The following INTS2 variants were observed in gnomAD, a reference collection of about 807,000 sequenced individuals.
INTS2 encodes the protein KIAA1287.
In INTS2, 57 loss-of-function variants were observed where a neutral mutation model predicts 139.6. The ratio of observed to expected loss-of-function variants is 0.41; its 90% confidence interval spans 0.33 to 0.51. The LOEUF (loss-of-function observed/expected upper bound fraction) is 0.51. INTS2 is among the 20% of genes least tolerant of loss of function. The pLI is 0.28. For synonymous variants in INTS2, 473 were observed against 493.4 expected, an observed-to-expected ratio of 0.96 and a Z score of 0.55; for missense variants, 1,196 against 1,436.7, an observed-to-expected ratio of 0.83 and a Z score of 2.71.
intron 19 of INTS2, chr17:61,874,063 C>A (rs1414874215): frequency 6.6e-6 from 1 of 152,136 alleles, no homozygotes; most frequent in Non-Finnish European, 1.5e-5. Flanking sequence ...TTCACCTAAA[C>A]CCTATGTCCA....
rs542159661 is a variant in INTS2 at position 61,902,980 on chromosome 17, C to T, written c.1307+1480G>A. 2.8e-3 allele frequency among the ~76,000 whole-genome samples: 419 copies of T among 150,178 alleles called. 4 individuals carry two copies. Among genetic ancestry groups the T allele is most frequent in the Non-Finnish European group, 4.1e-3 (277 of 67,696 alleles). On this transcript the variant is annotated intron_variant, in intron 9 of 24. Transcript: ENST00000251334. Reference sequence around the variant, plus strand: ...AGGAGATCGAGACCATCGTGGCTAACATGGTGAAACCCCGTCTCTACTAAA... The same window carrying T: ...AGGAGATCGAGACCATCGTGGCTAATATGGTGAAACCCCGTCTCTACTAAA...
intron 11 of INTS2, 58 bp from the exon 12 acceptor site, chr17:61,895,441 CT>C: frequency 9.8e-7 from 1 of 1,019,804 alleles, no homozygotes; most frequent in Admixed American, 2.9e-5. Flanking sequence ...ACAATTTATT[CT>C]AGGGAACTTA....
At chr17:61,915,763 G>C (rs893330076) in intron 5 of INTS2, among the ~76,000 whole-genome samples, 2 of 140,498 alleles carry the variant, frequency 1.4e-5, no homozygotes, top group African/African-American at 5.2e-5. Flanking sequence ...CCAGGAGGCA[G>C]AGCTTGCAGT....
At chr17:61,884,219 G>A (rs1263778275) in intron 16 of INTS2, among the ~76,000 whole-genome samples, 1 of 152,048 alleles carries the variant, frequency 6.6e-6, no homozygotes, top group Non-Finnish European at 1.5e-5. Context: ...GGCCGGGCAT[G>A]GTGGCTCACT....
chr17:61,885,224 TTAAAACTAGACAGAAGAAAATTCA>T, intron 15 of INTS2: 1 of 538,778 alleles, frequency 1.9e-6, no homozygotes, highest in Non-Finnish European at 3.3e-6. Flanking sequence ...GTCCTGAAAT[TTAAAACTAGACAGAAGAAAATTCA>T]TAACAGGTTG....
intron 2 of INTS2, 93 bp from the exon 3 acceptor site, chr17:61,925,192 G>T: frequency 8.4e-7 from 1 of 1,185,406 alleles, no homozygotes; most frequent in Non-Finnish European, 1.2e-6. Flanking sequence ...GCTATAAAAG[G>T]ATGTATAAAG....
At chr17:61,891,752 T>G in intron 13 of INTS2, 63 bp from the exon 14 acceptor site, 2 of 1,165,932 alleles carry the variant, frequency 1.7e-6, no homozygotes, top group East Asian at 4.9e-5. Flanking sequence ...AGCAAAATTA[T>G]AAAAGTACAT....
intron 16 of INTS2, among the ~76,000 whole-genome samples, chr17:61,884,068 GATTTAT>G (rs1410993862): frequency 6.6e-6 from 1 of 151,490 alleles, no homozygotes; most frequent in Non-Finnish European, 1.5e-5. Flanking sequence ...TACTTAACAG[GATTTAT>G]AGTAAAAATA....
intron 7 of INTS2, among the ~76,000 whole-genome samples, chr17:61,907,974 G>A (rs917884179): frequency 6.6e-6 from 1 of 152,210 alleles, no homozygotes; most frequent in South Asian, 2.1e-4. Context: ...GAAGACGTAA[G>A]TTCTTGGGGT....
Position 61,869,855 on chromosome 17 carries a change from A to G in INTS2, c.2912T>C (p.Met971Thr). 6.2e-7 allele frequency: 1 copy of G among 1,613,914 alleles called. No homozygotes were observed. The highest frequency in any genetic ancestry group is 8.5e-7 in the Non-Finnish European group (1 of 1,179,828). ...GAGCAAATTGTCTTCTCCTTCCTCCATTCCCTTATTTGGAGCGCTGGTGGT... is the reference window on the plus strand; with the variant it reads ...GAGCAAATTGTCTTCTCCTTCCTCCGTTCCCTTATTTGGAGCGCTGGTGGT... ...VITTSAPNKG[M>T]EEGEDNLLCN... The change falls in exon 21 of 25, where the codon ATG becomes ACG. Residue 971 changes from methionine to threonine, a missense_variant. Met to Thr is a moderately conservative substitution (Grantham distance 81, BLOSUM62 -1). Around this residue, in one of 3 missense-constraint regions of INTS2, gnomAD observed 1,129 missense variants for 1,341.9 expected, o/e 0.84. Coordinates refer to ENST00000251334, the MANE Select transcript of INTS2 (RefSeq NM_001351695.2). The surrounding 1 kb of genome is among the most constrained non-coding windows in gnomAD (Gnocchi z 5.4).
At chr17:61,925,141 T>C in intron 2 of INTS2, 42 bp from the exon 3 acceptor site, 1 of 1,556,144 alleles carries the variant, frequency 6.4e-7, no homozygotes, top group Non-Finnish European at 8.8e-7. Flanking sequence ...AAAACACTGA[T>C]ATGGAAATAA....
chr17:61,899,909 CT>C (rs1315270800), intron 9 of INTS2, among the ~76,000 whole-genome samples: 2 of 86,318 alleles, frequency 2.3e-5, no homozygotes, highest in African/African-American at 1.1e-4. Flanking sequence ...AAGATCCTAT[CT>C]AAAAAAAAAA....
At position 61,900,174 on chromosome 17, in the gene INTS2, A is replaced by G. The variant is rs187616423; in HGVS notation, c.1308-2435T>C. On this transcript the variant is annotated intron_variant, in intron 9 of 24. Coordinates refer to ENST00000251334, the MANE Select transcript of INTS2 (RefSeq NM_001351695.2). ...AGCAGACCTGAGGAAGCAAAATGCT[A>G]AACTGGTAGAAGAGAAAACCCATCC... Among the ~76,000 whole-genome samples the G allele has an allele frequency of 5.9e-5, 9 of 152,308 alleles. No individual in the cohort carries two copies. In the East Asian group the frequency reaches 1.7e-3, roughly 29 times the overall value.
At chr17:61,889,559 C>T (rs1381350955) in intron 15 of INTS2, among the ~76,000 whole-genome samples, 2 of 152,156 alleles carry the variant, frequency 1.3e-5, no homozygotes, top group Non-Finnish European at 2.9e-5. Context: ...ATTCTGTTAT[C>T]TATTAATTTA....
At chr17:61,919,950 T>C (rs908095500) in intron 4 of INTS2, among the ~76,000 whole-genome samples, 2 of 152,154 alleles carry the variant, frequency 1.3e-5, no homozygotes, top group African/African-American at 4.8e-5. Flanking sequence ...AAATGTCATC[T>C]AAAATAAAGT....
rs1279120824 is a variant in INTS2 at position 61,889,910 on chromosome 17, C to A, written c.1876-16G>T. On this transcript the variant is annotated splice_polypyrimidine_tract_variant and intron_variant, in intron 14 of 24. Transcript: ENST00000251334. ...TGTTGTCACCCTGGAGGTAATATTA[C>A]AAATACTCTGAAATACTCTGAATTT... The A allele has an allele frequency of 6.8e-7, 1 of 1,476,282 alleles. No individual in the cohort carries two copies. 91.4% of individuals were successfully genotyped at this position (1,476,282 alleles called of 1,614,324 possible).
chr17:61,892,481 C>A (rs1229099368), intron 13 of INTS2, among the ~76,000 whole-genome samples: 3 of 152,130 alleles, frequency 2.0e-5, no homozygotes, highest in African/African-American at 7.2e-5. Flanking sequence ...CTAGTCATGG[C>A]AGCTTCCCCA....
intron 8 of INTS2, among the ~76,000 whole-genome samples, chr17:61,905,457 G>A (rs2079452014): frequency 6.6e-6 from 1 of 152,134 alleles, no homozygotes; most frequent in African/African-American, 2.4e-5. Context: ...CTCCTGAGTA[G>A]CTGGGACTAC....
chr17:61,888,949 C>A (rs552338709), intron 15 of INTS2, among the ~76,000 whole-genome samples: 1 of 151,742 alleles, frequency 6.6e-6, no homozygotes, highest in African/African-American at 2.4e-5. Context: ...GGCATGAACT[C>A]AGGAAGTGGA....
Sources: allele counts gnomAD v4.1 joint callset (sites outside exome capture counted in the v4.1 genomes callset), GRCh38; gene constraint gnomAD v4.1.1; regional missense constraint gnomAD v4.1.1; non-coding constraint Gnocchi (gnomAD v3.1); transcripts MANE v1.5; gene names NCBI Gene and HGNC (gene_info 2026-07-23, HGNC 2026-07-21).